Variants in ROBO1 observed in about 807,000 individuals in gnomAD.
ROBO1 encodes the protein roundabout homolog 1.
Under a neutral mutation model 195.9 loss-of-function variants are expected in ROBO1, and 149 were observed. The ratio of observed to expected loss-of-function variants is 0.76; its 90% CI spans 0.67 to 0.87. The LOEUF is 0.87. Ranked by LOEUF, ROBO1 falls within the 40% of genes least tolerant of loss-of-function variation. ROBO1 has a pLI of 0.00. For synonymous variants in ROBO1, 816 were observed against 733.2 expected (o/e 1.11, Z -1.82); for missense variants, 1,933 against 2,068.3 (o/e 0.93, Z 1.27).
chr3:78,639,495 C>T (rs192366486), intron 22 of ROBO1, among the ~76,000 whole-genome samples: 200 of 152,252 alleles, frequency 1.3e-3, no homozygotes, highest in African/African-American at 4.7e-3. Flanking sequence ...ATTTTTCCTA[C>T]TTGCTATTGA....
intron 2 of ROBO1, among the ~76,000 whole-genome samples, chr3:79,382,852 G>A (rs1414160664): frequency 6.6e-6 from 1 of 152,058 alleles, no homozygotes; most frequent in African/African-American, 2.4e-5. Flanking sequence ...TAGGTGGTGA[G>A]GCACATATTT....
At chr3:79,209,618 C>G (rs1299519572) in intron 2 of ROBO1, among the ~76,000 whole-genome samples, 1 of 152,090 alleles carries the variant, frequency 6.6e-6, no homozygotes, top group East Asian at 1.9e-4. Context: ...ACATTCTCAT[C>G]AGCAGTGTAG....
intron 2 of ROBO1, among the ~76,000 whole-genome samples, chr3:79,353,764 G>T (rs1197166650): frequency 1.3e-5 from 2 of 152,164 alleles, no homozygotes; most frequent in Non-Finnish European, 2.9e-5. Flanking sequence ...GTTATTGCAG[G>T]CCAGGCGCAG....
rs961161389 is a variant in ROBO1, at chr3:78,597,420, T to G, written c.*1493A>C. On this transcript the variant is annotated 3_prime_UTR_variant, in exon 31 of 31. Coordinates refer to ENST00000464233, the MANE Select transcript of ROBO1 (RefSeq NM_002941.4). ...TTTTCTATGGAACTTTTTCAAATTA[T>G]CTAAATGAACAAGTTTGGTTTTGGT... The G allele has an allele frequency of 6.6e-6, 1 of 152,616 alleles. No homozygotes were observed. Among genetic ancestry groups the G allele is most frequent in the Non-Finnish European group, 1.5e-5 (1 of 68,012 alleles). 9.5% of individuals were successfully genotyped at this position (152,616 alleles called of 1,614,324 possible). A position where few individuals can be genotyped will look rare whatever the true frequency, so the allele number is the denominator to read the frequency against.
chr3:79,228,943 C>T (rs1163727071), intron 2 of ROBO1, among the ~76,000 whole-genome samples: 1 of 152,092 alleles, frequency 6.6e-6, no homozygotes, highest in Non-Finnish European at 1.5e-5. Context: ...AAAGCCAATG[C>T]AATCTCTTCA....
Position 78,617,878 on chromosome 3 carries a change from A to G in ROBO1, c.4039T>C (p.Leu1347=). 6.2e-7 allele frequency: 1 copy of G among 1,613,982 alleles called. No individual in the cohort carries two copies. Among genetic ancestry groups the G allele is most frequent in the Non-Finnish European group, 8.5e-7 (1 of 1,179,892 alleles). ...GGTGTCTGCTCAAGCCCACGTAACA[A>G]AAGCCTTCTGGTTTGCATCTTGGCT... ...EVAKMQTRRL[L]LRGLEQTPAS... Residue 1347 remains leucine (L), a synonymous_variant, in exon 27 of 31, where the codon TTG becomes CTG. Transcript: ENST00000464233.
Position 79,048,278 on chromosome 3 carries a change from A to G in ROBO1, c.172+77178T>C, listed in dbSNP as rs1005673582. ...CCCATCCCGTGGCAGTCATCTACTG[A>G]TCTCTGGTTATTTTTCCTTATGCTT... On this transcript the variant is annotated intron_variant, in intron 3 of 30. Coordinates refer to ENST00000464233, the MANE Select transcript of ROBO1 (RefSeq NM_002941.4). Among the ~76,000 whole-genome samples, 5 of 152,122 alleles carry G rather than the reference A, an allele frequency of 3.3e-5. No homozygotes were observed. The South Asian group carries it at 1.0e-3, about 32-fold the overall frequency.
intron 4 of ROBO1, among the ~76,000 whole-genome samples, chr3:78,833,991 C>T (rs1310700595): frequency 6.6e-6 from 1 of 152,064 alleles, no homozygotes; most frequent in East Asian, 1.9e-4. Context: ...GGATGGGAAG[C>T]TTATTTAAGA....
At chr3:79,380,011 G>A (rs2036517121) in intron 2 of ROBO1, among the ~76,000 whole-genome samples, 1 of 152,088 alleles carries the variant, frequency 6.6e-6, no homozygotes, top group African/African-American at 2.4e-5. Context: ...TACAAATCAT[G>A]GTTAGCACTA....
At chr3:79,735,975 T>C (rs1190124093) in intron 1 of ROBO1, among the ~76,000 whole-genome samples, 5 of 151,690 alleles carry the variant, frequency 3.3e-5, no homozygotes, top group Non-Finnish European at 7.4e-5. Flanking sequence ...CACATAACTA[T>C]AAACAATAAG....
At chr3:78,802,928 C>CA (rs2084414164) in intron 4 of ROBO1, among the ~76,000 whole-genome samples, 1 of 151,958 alleles carries the variant, frequency 6.6e-6, no homozygotes. Context: ...ATGACTTGAC[C>CA]AAAGAGACAT....
At chr3:78,944,082 C>A (rs1229841567) in intron 3 of ROBO1, among the ~76,000 whole-genome samples, 1 of 152,194 alleles carries the variant, frequency 6.6e-6, no homozygotes, top group African/African-American at 2.4e-5. Flanking sequence ...ATTACAACAA[C>A]ATCTTTATGA....
chr3:79,486,689 A>G (rs1939176263), intron 2 of ROBO1, among the ~76,000 whole-genome samples: 1 of 152,192 alleles, frequency 6.6e-6, no homozygotes, highest in Non-Finnish European at 1.5e-5. Context: ...TATTCACAAT[A>G]GTTTCAAATA....
chr3:79,059,017 A>G (rs1187955412), intron 3 of ROBO1, among the ~76,000 whole-genome samples: 1 of 152,124 alleles, frequency 6.6e-6, no homozygotes, highest in African/African-American at 2.4e-5. Flanking sequence ...CAAGGCATTG[A>G]TCAAAAATTG....
chr3:79,305,487 CA>C (rs755731665), intron 2 of ROBO1, among the ~76,000 whole-genome samples: 17,532 of 55,872 alleles, frequency 0.31, 598 homozygotes, highest in African/African-American at 0.38. Flanking sequence ...AACTCCATCT[CA>C]AAAAAAAAAA....
At chr3:78,992,712 T>C (rs192240892) in intron 3 of ROBO1, among the ~76,000 whole-genome samples, 1 of 152,274 alleles carries the variant, frequency 6.6e-6, no homozygotes, top group Non-Finnish European at 1.5e-5. Context: ...AACTTTGTCT[T>C]AAAGGCATTT....
intron 3 of ROBO1, among the ~76,000 whole-genome samples, chr3:79,124,325 T>G (rs2080175302): frequency 6.6e-6 from 1 of 152,124 alleles, no homozygotes; most frequent in Non-Finnish European, 1.5e-5. Context: ...TAAAGTTGTT[T>G]ATAAAGGTCT....
chr3:78,847,697 T>C (rs2033762911), intron 4 of ROBO1, among the ~76,000 whole-genome samples: 1 of 152,132 alleles, frequency 6.6e-6, no homozygotes, highest in Non-Finnish European at 1.5e-5. Flanking sequence ...ATACCTATTA[T>C]TACGATTATT....
At chr3:79,438,243 G>A (rs2038949015) in intron 2 of ROBO1, among the ~76,000 whole-genome samples, 2 of 151,676 alleles carry the variant, frequency 1.3e-5, no homozygotes, top group African/African-American at 2.4e-5. Flanking sequence ...GAAGCATAAC[G>A]AGTCAAAGCC....
Sources: allele counts gnomAD v4.1 joint callset (sites outside exome capture counted in the v4.1 genomes callset), GRCh38; gene constraint gnomAD v4.1.1; transcripts MANE v1.5; gene names NCBI Gene and HGNC (gene_info 2026-07-23, HGNC 2026-07-21).